The following ENAM variants were observed in gnomAD, a reference collection of about 807,000 sequenced individuals.
ENAM encodes enamelin.
Under a neutral mutation model 33.6 loss-of-function variants are expected in ENAM, and 21 were observed. The ratio of observed to expected loss-of-function variants is 0.63; its 90% CI spans 0.44 to 0.90. The LOEUF (loss-of-function observed/expected upper bound fraction) is 0.90. ENAM is among the 40% of genes least tolerant of loss of function. ENAM has a pLI of 0.00. For missense variants in ENAM, 1,388 were observed against 1,366.9 expected, an observed-to-expected ratio of 1.02 and a Z score of -0.24; for synonymous variants, 473 against 468.4, an observed-to-expected ratio of 1.01 and a Z score of -0.13.
At position 70,643,977 on chromosome 4, in the gene ENAM, T is replaced by A. The variant is rs1738686724; in HGVS notation, c.2551T>A (p.Phe851Ile). The change falls in exon 9 of 9, where the codon TTC becomes ATC. Residue 851 changes from phenylalanine to isoleucine, a missense_variant. Phe to Ile is a conservative substitution (Grantham distance 21). Transcript: ENST00000396073. ...PEREHSSFPN[F>I]IPPSYPSGQK... ...GAGAGAACATTCATCTTTCCCTAACTTCATCCCACCAAGTTACCCATCAGG... is the reference window on the plus strand; with the variant it reads ...GAGAGAACATTCATCTTTCCCTAACATCATCCCACCAAGTTACCCATCAGG... 6.2e-7 allele frequency: 1 copy of A among 1,614,140 alleles called. No individual in the cohort carries two copies. Among genetic ancestry groups the A allele is most frequent in the Non-Finnish European group, 8.5e-7 (1 of 1,180,020 alleles).
intron 6 of ENAM, among the ~76,000 whole-genome samples, chr4:70,635,041 G>A (rs1454909058): frequency 6.6e-6 from 1 of 152,126 alleles, no homozygotes; most frequent in African/African-American, 2.4e-5. Context: ...ATGTGCAAAT[G>A]GTTTCTCAAG....
At chr4:70,634,618 T>G (rs1379745485) in intron 6 of ENAM, 50 bp downstream of exon 6, 9 of 1,582,872 alleles carry the variant, frequency 5.7e-6, no homozygotes, top group Non-Finnish European at 7.8e-6. Flanking sequence ...CTCGGAGAGA[T>G]TTGGAGGGCC....
At chr4:70,634,123 G>A (rs552566945) in intron 5 of ENAM, among the ~76,000 whole-genome samples, 185 bp from the exon 6 acceptor site, 12 of 152,232 alleles carry the variant, frequency 7.9e-5, no homozygotes, top group South Asian at 2.1e-4. Context: ...TCTAGAAGAC[G>A]GAAGTTCATT....
chr4:70,639,388 G>T (rs1738544080), intron 8 of ENAM, among the ~76,000 whole-genome samples: 1 of 150,266 alleles, frequency 6.7e-6, no homozygotes, highest in South Asian at 2.1e-4. Context: ...TAAGGAGTTT[G>T]AGACCAGCCT....
At position 70,628,877 on chromosome 4, in the gene ENAM, A is replaced by C. The variant is rs1577966637; in HGVS notation, c.-148A>C. On this transcript the variant is annotated 5_prime_UTR_variant, in exon 1 of 9. Coordinates refer to ENST00000396073, the MANE Select transcript of ENAM (RefSeq NM_031889.3). ...AGCAATTTGTAGTTATTTCCACTATAGACCATTAAGAATATATTTCAAAGG... is the reference window on the plus strand; with the variant it reads ...AGCAATTTGTAGTTATTTCCACTATCGACCATTAAGAATATATTTCAAAGG... 6.6e-6 allele frequency: 1 copy of C among 152,360 alleles called. No individual in the cohort carries two copies. Among genetic ancestry groups the C allele is most frequent in the African/African-American group, 2.4e-5 (1 of 41,444 alleles). The allele number at this position is 152,360 out of a possible 1,614,324, so 9.4% of individuals were successfully genotyped here. A position where few individuals can be genotyped will look rare whatever the true frequency, so the allele number is the denominator to read the frequency against.
intron 8 of ENAM, among the ~76,000 whole-genome samples, chr4:70,641,221 G>A (rs1019130701): frequency 6.0e-4 from 92 of 152,160 alleles, no homozygotes; most frequent in Admixed American, 7.9e-4. Context: ...AGGTACTCAT[G>A]AAATCTTTAG....
rs971027128 is a variant in ENAM, at chr4:70,629,693, A to G, written c.54+139A>G. 2.1e-5 allele frequency: 16 copies of G among 772,932 alleles called. No individual in the cohort carries two copies. The East Asian group carries it at 3.9e-4, about 19-fold the overall frequency. The allele number at this position is 772,932 out of a possible 1,614,324, so 47.9% of individuals were successfully genotyped here. Reference sequence around the variant, plus strand: ...CATCTGCTTTCACAGATGGAATGGAAGAAGAACTTACACAGTCATTGTACT... The same window carrying G: ...CATCTGCTTTCACAGATGGAATGGAGGAAGAACTTACACAGTCATTGTACT... On this transcript the variant is annotated intron_variant, in intron 2 of 8. Coordinates refer to ENST00000396073, the MANE Select transcript of ENAM (RefSeq NM_031889.3).
At chr4:70,632,539 A>G (rs1203714588) in intron 4 of ENAM, 112 bp from the exon 5 acceptor site, 3 of 814,768 alleles carry the variant, frequency 3.7e-6, no homozygotes, top group Non-Finnish European at 6.6e-6. Flanking sequence ...AAATTTTTAC[A>G]CTGGGAAGTT....
At chr4:70,639,448 G>C (rs1157915163) in intron 8 of ENAM, among the ~76,000 whole-genome samples, 1 of 151,822 alleles carries the variant, frequency 6.6e-6, no homozygotes, top group Admixed American at 6.6e-5. Context: ...AAATTAGCCG[G>C]GTATGGTGGT....
chr4:70,629,849 T>A (rs2109818312), intron 2 of ENAM, among the ~76,000 whole-genome samples: 1 of 152,228 alleles, frequency 6.6e-6, no homozygotes, highest in East Asian at 1.9e-4. Context: ...AAAGAGAAAA[T>A]GAGTTTTCTA....
intron 5 of ENAM, 94 bp from the exon 6 acceptor site, chr4:70,634,214 T>A: frequency 1.6e-6 from 2 of 1,252,932 alleles, no homozygotes; most frequent in Non-Finnish European, 2.3e-6. Flanking sequence ...ACTTTTAAGC[T>A]CTTTGGCTGA....
intron 8 of ENAM, among the ~76,000 whole-genome samples, chr4:70,639,955 A>G (rs569621855): frequency 6.6e-6 from 1 of 152,316 alleles, no homozygotes; most frequent in South Asian, 2.1e-4. Flanking sequence ...ATCTTGGGAG[A>G]TATTTCCTTG....
chr4:70,637,082 A>AT (rs1738470243), intron 7 of ENAM, among the ~76,000 whole-genome samples: 2 of 152,184 alleles, frequency 1.3e-5, no homozygotes, highest in Admixed American at 1.3e-4. Flanking sequence ...AGTTCCTTAC[A>AT]TTTTTCCTCC....
chr4:70,632,466 T>C lies in ENAM; in HGVS notation c.169-185T>C, dbSNP rs547347789. Among the ~76,000 whole-genome samples the C allele has an allele frequency of 2.6e-5, 4 of 152,206 alleles. No homozygotes were observed. In the South Asian group the frequency reaches 8.3e-4, roughly 32 times the overall value. ...TGCCTGAGAAGCTTCTTTAATTGTA[T>C]ACTTTCTTAAAATTCAAGCATAAGT... On this transcript the variant is annotated intron_variant, in intron 4 of 8. Transcript: ENST00000396073.
intron 2 of ENAM, among the ~76,000 whole-genome samples, chr4:70,631,263 C>T (rs1036728732): frequency 6.6e-6 from 1 of 152,152 alleles, no homozygotes; most frequent in Non-Finnish European, 1.5e-5. Flanking sequence ...AGTTGGACAT[C>T]ACTATTTCTT....
At position 70,643,734 on chromosome 4, in the gene ENAM, A is replaced by G. The variant is rs1231962769; in HGVS notation, c.2308A>G (p.Ile770Val). The G allele has an allele frequency of 1.9e-6, 3 of 1,614,206 alleles. No individual in the cohort carries two copies. Among genetic ancestry groups the G allele is most frequent in the Non-Finnish European group, 2.5e-6 (3 of 1,180,036 alleles). Reference protein sequence around the residue: ...FPSRNSWDHRIQAQGQRERRP... With the variant: ...FPSRNSWDHRVQAQGQRERRP... ...TTCACGGAATTCCTGGGACCACAGG[A>G]TACAAGCCCAAGGGCAGAGAGAAAG... Residue 770 changes from isoleucine (I) to valine (V), a missense_variant, in exon 9 of 9, where the codon ATA becomes GTA. Ile to Val is a conservative substitution (Grantham distance 29). Transcript: ENST00000396073.
Position 70,632,643 on chromosome 4 carries a change from G to T in ENAM, c.169-8G>T, listed in dbSNP as rs759743912. ...TTGTATCACATTAATGGATTCCTTTGGTTGCAGATGATGCGGTATAATCAA... is the reference window on the plus strand; with the variant it reads ...TTGTATCACATTAATGGATTCCTTTTGTTGCAGATGATGCGGTATAATCAA... On this transcript the variant is annotated splice_polypyrimidine_tract_variant and splice_region_variant and intron_variant, in intron 4 of 8. Coordinates refer to ENST00000396073, the MANE Select transcript of ENAM (RefSeq NM_031889.3). 6.3e-7 allele frequency: 1 copy of T among 1,585,916 alleles called. No individual in the cohort carries two copies. The highest frequency in any genetic ancestry group is 1.1e-5 in the South Asian group (1 of 90,488).
Position 70,630,898 on chromosome 4 carries a change from C to T in ENAM, c.55-772C>T, listed in dbSNP as rs1053204062. Among the ~76,000 whole-genome samples, 3 of 152,176 alleles carry T rather than the reference C, an allele frequency of 2.0e-5. No homozygotes were observed. In the East Asian group the frequency reaches 5.8e-4, roughly 29 times the overall value. On this transcript the variant is annotated intron_variant, in intron 2 of 8. Transcript: ENST00000396073. ...CTGGTATTACAGGTGTGAGACACCA[C>T]ACCCGGCTAATTTTTGTATTTTTAG... is the stretch of plus-strand genomic sequence containing the variant.
In ENAM at chr4:70,644,037, A is replaced by T. The variant is rs1050130415; in HGVS notation, c.2611A>T (p.Arg871Ter). ...AGCACATTTATTTCACCTAAGCCAG[A>T]GAGGCTCTTGCTGTGCTGGTAGCTC... ...KEAHLFHLSQRGSCCAGSSTG... is the reference protein window; with the variant it reads ...KEAHLFHLSQ Residue 871 changes from arginine to a stop codon, truncating the protein, a stop_gained, in exon 9 of 9, where the codon AGA (arginine) becomes TGA (stop). Coordinates refer to ENST00000396073, the MANE Select transcript of ENAM (RefSeq NM_031889.3). LOFTEE classifies it low-confidence loss of function (END_TRUNC). The T allele has an allele frequency of 5.6e-6, 9 of 1,614,090 alleles. No individual in the cohort carries two copies. In the African/African-American group the frequency reaches 1.2e-4, roughly 22 times the overall value.
Sources: gnomAD v4.1 joint callset for allele counts (sites outside exome capture counted in the v4.1 genomes callset) on GRCh38, gnomAD v4.1.1 for gene constraint, MANE v1.5 for transcripts, NCBI Gene and HGNC (gene_info 2026-07-23, HGNC 2026-07-21) for gene names.